The following CNOT6L variants were observed in gnomAD, a reference collection of about 807,000 sequenced individuals.
The protein encoded by CNOT6L is CCR4-NOT transcription complex subunit 6-like.
Under a neutral mutation model 64.0 loss-of-function variants are expected in CNOT6L, and 7 were observed. The observed-to-expected ratio is 0.11, with a 90% confidence interval of 0.06 to 0.21. CNOT6L has a LOEUF of 0.21. CNOT6L is among the 10% of genes least tolerant of loss of function. CNOT6L has a pLI of 1.00. For missense variants in CNOT6L, 245 were observed against 669.0 expected (o/e 0.37, Z 6.99); for synonymous variants, 193 against 243.4 (o/e 0.79, Z 1.93).
At chr4:77,805,131 G>A (rs1012598897) in intron 1 of CNOT6L, among the ~76,000 whole-genome samples, 1 of 152,096 alleles carries the variant, frequency 6.6e-6, no homozygotes, top group African/African-American at 2.4e-5. Context: ...AAGGGTCATG[G>A]AGCCAATCCT....
intron 1 of CNOT6L, among the ~76,000 whole-genome samples, chr4:77,805,637 G>A (rs997177119): frequency 2.0e-5 from 3 of 152,072 alleles, no homozygotes; most frequent in Admixed American, 6.5e-5. Flanking sequence ...ATTGCAAGAC[G>A]TTACTTAACA....
intron 1 of CNOT6L, among the ~76,000 whole-genome samples, chr4:77,809,588 C>G (rs1732664425): frequency 6.6e-6 from 1 of 152,010 alleles, no homozygotes; most frequent in Non-Finnish European, 1.5e-5. Context: ...TAAGTAATTT[C>G]TGAGTTTTGC....
chr4:77,805,072 C>T (rs1420812100), intron 1 of CNOT6L, among the ~76,000 whole-genome samples: 1 of 152,058 alleles, frequency 6.6e-6, no homozygotes, highest in African/African-American at 2.4e-5. Flanking sequence ...GCCAATTTTT[C>T]ATATACATGG....
intron 5 of CNOT6L, among the ~76,000 whole-genome samples, chr4:77,754,272 T>G (rs548789044): frequency 1.3e-5 from 2 of 152,316 alleles, no homozygotes; most frequent in Admixed American, 1.3e-4. Flanking sequence ...AAAACTCAAT[T>G]GTATTCCATT....
chr4:77,803,231 A>G (rs1260674028), intron 1 of CNOT6L, among the ~76,000 whole-genome samples: 1 of 152,180 alleles, frequency 6.6e-6, no homozygotes, highest in Non-Finnish European at 1.5e-5. Context: ...GAAAAAAAAA[A>G]TTATCTCCAC....
At chr4:77,727,553 ACT>A (rs1356332393) in intron 10 of CNOT6L, among the ~76,000 whole-genome samples, 2 of 137,432 alleles carry the variant, frequency 1.5e-5, no homozygotes, top group East Asian at 2.1e-4. Context: ...CAAGAGCACA[ACT>A]CTGTCTCAAA....
At chr4:77,725,559 A>G (rs1202793974) in intron 11 of CNOT6L, among the ~76,000 whole-genome samples, 6 of 152,056 alleles carry the variant, frequency 3.9e-5, no homozygotes, top group Non-Finnish European at 1.5e-5. Flanking sequence ...ATTTTTTTTC[A>G]TATTTGTCAA....
At chr4:77,782,703 C>G (rs1052487419) in intron 1 of CNOT6L, among the ~76,000 whole-genome samples, 2 of 150,158 alleles carry the variant, frequency 1.3e-5, no homozygotes, top group African/African-American at 4.9e-5. Context: ...TGGCCTCAAA[C>G]TCCTGGGCTC....
At chr4:77,784,916 A>AT (rs1243573983) in intron 1 of CNOT6L, among the ~76,000 whole-genome samples, 9 of 151,916 alleles carry the variant, frequency 5.9e-5, no homozygotes, top group Non-Finnish European at 8.8e-5. Flanking sequence ...TCTTCTGTAT[A>AT]TTTCCCCATG....
intron 5 of CNOT6L, among the ~76,000 whole-genome samples, chr4:77,751,254 TAA>T (rs1159891299): frequency 1.3e-5 from 2 of 152,134 alleles, no homozygotes; most frequent in African/African-American, 2.4e-5. Context: ...ACTTAAATTT[TAA>T]AAGTCATTGG....
chr4:77,744,959 C>T (rs1724030334), intron 6 of CNOT6L, 84 bp from the exon 7 acceptor site: 1 of 1,050,162 alleles, frequency 9.5e-7, no homozygotes, highest in Non-Finnish European at 1.4e-6. Context: ...TACACCTGCA[C>T]AAGCACACAC....
Position 77,715,135 on chromosome 4 carries a change from T to C in CNOT6L, c.*5296A>G, listed in dbSNP as rs1228082701. 2 of 152,060 alleles carry C rather than the reference T, an allele frequency of 1.3e-5. No individual in the cohort carries two copies. The highest frequency in any genetic ancestry group is 4.8e-5 in the African/African-American group (2 of 41,408). The allele number at this position is 152,060 out of a possible 1,614,324, so 9.4% of individuals were successfully genotyped here. ...AGTGACAGACATACAACTGGAAAAT[T>C]ATCTAAATTTTGAGAGATTGTTCTA... is the stretch of plus-strand genomic sequence containing the variant. On this transcript the variant is annotated 3_prime_UTR_variant, in exon 12 of 12. Coordinates refer to ENST00000504123, the MANE Select transcript of CNOT6L (RefSeq NM_144571.3).
intron 1 of CNOT6L, among the ~76,000 whole-genome samples, chr4:77,793,677 T>TA (rs1730443853): frequency 6.6e-6 from 1 of 152,278 alleles, no homozygotes; most frequent in Admixed American, 6.5e-5. Flanking sequence ...CAGCCACTGA[T>TA]TTCTGAGTGT....
intron 8 of CNOT6L, 116 bp from the exon 9 acceptor site, chr4:77,731,654 T>C: frequency 6.6e-6 from 5 of 753,470 alleles, no homozygotes; most frequent in Non-Finnish European, 8.2e-6. Flanking sequence ...CAAGTGACCA[T>C]GTGATACAGT....
chr4:77,733,743 T>A (rs1458130685), intron 8 of CNOT6L, among the ~76,000 whole-genome samples: 1 of 152,078 alleles, frequency 6.6e-6, no homozygotes, highest in Non-Finnish European at 1.5e-5. Flanking sequence ...TCTTCTCCCA[T>A]TTTTTCCATT....
intron 4 of CNOT6L, among the ~76,000 whole-genome samples, chr4:77,769,789 C>A (rs1224786732): frequency 6.6e-6 from 1 of 151,904 alleles, no homozygotes; most frequent in East Asian, 1.9e-4. Context: ...TGACATGGTC[C>A]ATAAACAGAC....
At chr4:77,734,863 A>AT (rs1394707618) in intron 8 of CNOT6L, among the ~76,000 whole-genome samples, 2 of 152,190 alleles carry the variant, frequency 1.3e-5, no homozygotes, top group Non-Finnish European at 2.9e-5. Context: ...ATGAGCATGC[A>AT]TTCTCTTCTC....
chr4:77,717,361 C>A lies in CNOT6L; in HGVS notation c.*3070G>T, dbSNP rs953774282. On this transcript the variant is annotated 3_prime_UTR_variant, in exon 12 of 12. Transcript: ENST00000504123. ...ATGACTGTAATAATGGCAAACAGTA[C>A]AGTTTTCTCTTCCTCAAACAATACT... 1 of 152,428 alleles carries A rather than the reference C, an allele frequency of 6.6e-6. No homozygotes were observed. Among genetic ancestry groups the A allele is most frequent in the African/African-American group, 2.4e-5 (1 of 41,396 alleles). The allele number at this position is 152,428 out of a possible 1,614,324, so 9.4% of individuals were successfully genotyped here.
rs114280840 is a variant in CNOT6L at position 77,746,759 on chromosome 4, G to A, written c.559+1557C>T. On this transcript the variant is annotated intron_variant, in intron 6 of 11. Coordinates refer to ENST00000504123, the MANE Select transcript of CNOT6L (RefSeq NM_144571.3). ...AATAATTAATTATACACTAGGAAAG[G>A]CCAAGTATAAAATAAATCTATCTAG... is the stretch of plus-strand genomic sequence containing the variant. Among the ~76,000 whole-genome samples, 700 of 152,156 alleles carry A rather than the reference G, an allele frequency of 4.6e-3. 7 individuals are homozygous for A. The highest frequency in any genetic ancestry group is 0.016 in the African/African-American group (675 of 41,530).
Sources: allele counts gnomAD v4.1 joint callset (sites outside exome capture counted in the v4.1 genomes callset), GRCh38; gene constraint gnomAD v4.1.1; transcripts MANE v1.5; gene names NCBI Gene and HGNC (gene_info 2026-07-23, HGNC 2026-07-21).